GALNTL6: variants seen among roughly 807,000 people sequenced by gnomAD.
GALNTL6 encodes polypeptide N-acetylgalactosaminyltransferase like 6.
In GALNTL6, 46 loss-of-function variants were observed where a neutral mutation model predicts 73.7. That is an observed-to-expected ratio of 0.62 (90% CI 0.49 to 0.80). The LOEUF (loss-of-function observed/expected upper bound fraction) is 0.80, where lower values mean the gene tolerates loss of function less well. Among genes scored for constraint, GALNTL6 ranks in the 30% least tolerant of loss-of-function variants. The probability of loss-of-function intolerance (pLI) is 0.00; values close to 1 mark genes in which losing one functional copy is unlikely to be tolerated. For synonymous variants in GALNTL6, 259 were observed against 263.7 expected (o/e 0.98, Z 0.17); for missense variants, 604 against 755.0 (o/e 0.80, Z 2.34).
At chr4:172,525,096 A>T (rs571280221) in intron 5 of GALNTL6, among the ~76,000 whole-genome samples, 1 of 152,262 alleles carries the variant, frequency 6.6e-6, no homozygotes, top group Admixed American at 6.5e-5. Flanking sequence ...TAAATTCTTT[A>T]TTATATTTTG....
At chr4:171,855,214 G>A (rs557262978) in intron 2 of GALNTL6, among the ~76,000 whole-genome samples, 72 of 152,186 alleles carry the variant, frequency 4.7e-4, no homozygotes, top group Non-Finnish European at 8.2e-4. Flanking sequence ...ATATTCACCC[G>A]TACCGTATCA....
At chr4:171,834,981 G>A (rs964131998) in intron 2 of GALNTL6, among the ~76,000 whole-genome samples, 2 of 152,064 alleles carry the variant, frequency 1.3e-5, no homozygotes, top group African/African-American at 2.4e-5. Context: ...CAAAAAGAGT[G>A]AGAGGCATCA....
intron 5 of GALNTL6, among the ~76,000 whole-genome samples, chr4:172,437,089 A>G (rs1731660358): frequency 6.6e-6 from 1 of 152,078 alleles, no homozygotes; most frequent in Non-Finnish European, 1.5e-5. Flanking sequence ...AGTCCACCCA[A>G]CTACTTCATG....
chr4:171,925,680 TC>T (rs1474928631), intron 2 of GALNTL6, among the ~76,000 whole-genome samples: 1 of 152,200 alleles, frequency 6.6e-6, no homozygotes, highest in Non-Finnish European at 1.5e-5. Context: ...AAATCCCTTT[TC>T]TAGCAATCTT....
intron 2 of GALNTL6, among the ~76,000 whole-genome samples, chr4:172,182,189 A>C (rs1735268882): frequency 6.6e-6 from 1 of 152,222 alleles, no homozygotes; most frequent in South Asian, 2.1e-4. Flanking sequence ...ATATCTGGGA[A>C]TCCAACTTAT....
intron 2 of GALNTL6, among the ~76,000 whole-genome samples, chr4:171,971,265 T>G (rs1739561413): frequency 6.6e-6 from 1 of 152,198 alleles, no homozygotes; most frequent in African/African-American, 2.4e-5. Context: ...AGGCTGTGAA[T>G]TATCCCTCTG....
Position 171,945,700 on chromosome 4 carries a change from T to C in GALNTL6, c.138+130982T>C, listed in dbSNP as rs551680433. ...TTGTTCTTAGGTTTCGGGGAAGAGCTTATAAAACATGCATACATTATGATA... is the reference window on the plus strand; with the variant it reads ...TTGTTCTTAGGTTTCGGGGAAGAGCCTATAAAACATGCATACATTATGATA... On this transcript the variant is annotated intron_variant, in intron 2 of 12. Transcript: ENST00000506823. Among the ~76,000 whole-genome samples, 117 of 152,210 alleles carry C rather than the reference T, an allele frequency of 7.7e-4. No individual in the cohort carries two copies. In the Middle Eastern group the frequency reaches 0.01, roughly 13 times the overall value.
rs1411110093 is a variant in GALNTL6 at position 172,606,655 on chromosome 4, TATATATACTATATATATATA to T, written c.554-202705_554-202686del. On this transcript the variant is annotated intron_variant, in intron 5 of 12. Coordinates refer to ENST00000506823, the MANE Select transcript of GALNTL6 (RefSeq NM_001034845.3). ...CTATATATATACTATATATATAGTA[TATATATACTATATATATATA>T]CTATATATATAGTATATATATATAG... 5.1e-3 allele frequency among the ~76,000 whole-genome samples: 196 copies of T among 38,080 alleles called. 1 individual carries two copies. Among genetic ancestry groups the T allele is most frequent in the Non-Finnish European group, 0.01 (155 of 15,228 alleles). The allele number at this position is 38,080 out of a possible 152,430, so 25.0% of individuals were successfully genotyped here.
intron 8 of GALNTL6, among the ~76,000 whole-genome samples, chr4:172,910,859 T>C (rs1285710470): frequency 6.6e-6 from 1 of 152,188 alleles, no homozygotes; most frequent in African/African-American, 2.4e-5. Flanking sequence ...GTCTCTCTCA[T>C]CCAGCCATCA....
chr4:172,229,799 A>G (rs1736991208), intron 3 of GALNTL6, 35 bp downstream of exon 3: 2 of 1,277,228 alleles, frequency 1.6e-6, no homozygotes, highest in East Asian at 2.3e-5. Flanking sequence ...GTGCTATTTC[A>G]CTCGCAGCAG....
intron 2 of GALNTL6, among the ~76,000 whole-genome samples, chr4:172,001,468 A>T (rs1048700705): frequency 6.6e-6 from 1 of 152,148 alleles, no homozygotes; most frequent in African/African-American, 2.4e-5. Context: ...TGAAAAGGAG[A>T]TGGGTTCAGA....
chr4:172,564,801 C>T (rs2110934133), intron 5 of GALNTL6, among the ~76,000 whole-genome samples: 1 of 152,342 alleles, frequency 6.6e-6, no homozygotes, highest in Non-Finnish European at 1.5e-5. Context: ...GAATTGAGAA[C>T]ATCCTCAGCT....
chr4:171,963,689 C>T (rs904970825), intron 2 of GALNTL6, among the ~76,000 whole-genome samples: 1 of 152,166 alleles, frequency 6.6e-6, no homozygotes, highest in African/African-American at 2.4e-5. Context: ...GATCTGGTTT[C>T]ATCTTGATAA....
intron 2 of GALNTL6, among the ~76,000 whole-genome samples, chr4:171,957,998 A>G (rs1281540485): frequency 2.6e-5 from 4 of 152,196 alleles, no homozygotes; most frequent in African/African-American, 2.4e-5. Context: ...TAAAACGTTT[A>G]TGTTTTATGA....
At chr4:172,775,786 G>A (rs1739039437) in intron 5 of GALNTL6, among the ~76,000 whole-genome samples, 1 of 152,142 alleles carries the variant, frequency 6.6e-6, no homozygotes, top group Non-Finnish European at 1.5e-5. Flanking sequence ...GTTTAGGTGA[G>A]ACCTCATCTT....
intron 2 of GALNTL6, among the ~76,000 whole-genome samples, chr4:171,843,898 T>C: frequency 6.6e-6 from 1 of 152,302 alleles, no homozygotes; most frequent in African/African-American, 2.4e-5. Flanking sequence ...GTAGTCAATA[T>C]TGAAGCAAAA....
chr4:172,210,326 T>A (rs189978705), intron 2 of GALNTL6, among the ~76,000 whole-genome samples: 1 of 152,196 alleles, frequency 6.6e-6, no homozygotes, highest in Non-Finnish European at 1.5e-5. Flanking sequence ...GTCTGTAGTA[T>A]TTATATATCT....
intron 3 of GALNTL6, among the ~76,000 whole-genome samples, chr4:172,236,710 T>G (rs1228952854): frequency 6.6e-6 from 1 of 151,942 alleles, no homozygotes; most frequent in African/African-American, 2.4e-5. Flanking sequence ...TAGATATCAG[T>G]TATTTTATTT....
chr4:172,286,993 G>T (rs576247900), intron 3 of GALNTL6, among the ~76,000 whole-genome samples: 1 of 152,250 alleles, frequency 6.6e-6, no homozygotes, highest in East Asian at 1.9e-4. Context: ...TAGCCATAGT[G>T]ACCATGTGCC....
Sources: allele counts gnomAD v4.1 joint callset (sites outside exome capture counted in the v4.1 genomes callset), GRCh38; gene constraint gnomAD v4.1.1; transcripts MANE v1.5; gene names NCBI Gene and HGNC (gene_info 2026-07-23, HGNC 2026-07-21).